The following VPS13B variants were observed in gnomAD, a reference collection of about 807,000 sequenced individuals.
VPS13B encodes vacuolar protein sorting 13 homolog B.
VPS13B carries 285 observed loss-of-function variants against 426.4 expected under a neutral mutation model. The observed-to-expected ratio is 0.67, with a 90% CI of 0.61 to 0.74. VPS13B has a LOEUF of 0.74. Among genes scored for constraint, VPS13B ranks in the 30% least tolerant of loss-of-function variants. VPS13B has a pLI of 0.00. For missense variants in VPS13B, 4,537 were observed against 4,782.6 expected, an observed-to-expected ratio of 0.95 and a Z score of 1.51; for synonymous variants, 1,676 against 1,676.4, an observed-to-expected ratio of 1.00 and a Z score of 0.01.
Position 99,853,817 on chromosome 8 carries a change from T to C in VPS13B, c.10428T>C (p.Cys3476=). ...AGTTGGAAGAATACAAGGAAAAATG[T>C]TTTATCAAACTTTGCATCACCTTAA... ...NKELEEYKEK[C]FIKLCITLNE... The change falls in exon 56 of 62, where the codon TGT becomes TGC. Residue 3476 remains cysteine, a synonymous_variant. Transcript: ENST00000357162. 1 of 1,614,220 alleles carries C rather than the reference T, an allele frequency of 6.2e-7. No homozygotes were observed. Among genetic ancestry groups the C allele is most frequent in the Non-Finnish European group, 8.5e-7 (1 of 1,180,042 alleles).
At chr8:99,799,965 C>T (rs1813039650) in intron 43 of VPS13B, among the ~76,000 whole-genome samples, 1 of 152,132 alleles carries the variant, frequency 6.6e-6, no homozygotes, top group Non-Finnish European at 1.5e-5. Context: ...TTTCTCAGCT[C>T]ACCTAAATTA....
intron 3 of VPS13B, among the ~76,000 whole-genome samples, chr8:99,059,534 G>A (rs776601605): frequency 6.6e-6 from 1 of 152,084 alleles, no homozygotes; most frequent in Non-Finnish European, 1.5e-5. Flanking sequence ...CTGTACCACG[G>A]ATGTGAAGCC....
intron 43 of VPS13B, chr8:99,799,097 T>C (rs1485214580): frequency 6.6e-6 from 1 of 152,248 alleles, no homozygotes; most frequent in Non-Finnish European, 1.5e-5. Context: ...TTTTAAATTA[T>C]TTCCAGAATA....
chr8:99,194,071 T>A (rs754518618), intron 17 of VPS13B, among the ~76,000 whole-genome samples: 13 of 152,260 alleles, frequency 8.5e-5, no homozygotes, highest in Admixed American at 2.0e-4. Flanking sequence ...CGTGGAATTT[T>A]CTACTTGTAT....
chr8:99,812,274 CT>C (rs201959707), intron 44 of VPS13B, among the ~76,000 whole-genome samples: 1,908 of 152,194 alleles, frequency 0.013, 23 homozygotes, highest in Non-Finnish European at 0.017. Flanking sequence ...CAGATTTGTT[CT>C]GGTTAAAGTA....
chr8:99,619,296 G>A (rs1828249972), intron 33 of VPS13B, among the ~76,000 whole-genome samples: 1 of 152,128 alleles, frequency 6.6e-6, no homozygotes, highest in African/African-American at 2.4e-5. Flanking sequence ...AGGTTGCTGT[G>A]TATTTCCCTG....
chr8:99,170,663 G>A lies in VPS13B; in HGVS notation c.2333+500G>A, dbSNP rs117839668. Among the ~76,000 whole-genome samples the A allele has an allele frequency of 5.2e-3, 789 of 151,746 alleles. 4 individuals are homozygous for A. The highest frequency in any genetic ancestry group is 9.4e-3 in the Non-Finnish European group (636 of 67,768). On this transcript the variant is annotated intron_variant, in intron 16 of 61. Coordinates refer to ENST00000357162, the MANE Select transcript of VPS13B (RefSeq NM_152564.5). ...TTGTAGCCCTCACCATTTTCATTCC[G>A]AATTGAATGCTATATTTGGAGGTCA...
intron 36 of VPS13B, among the ~76,000 whole-genome samples, chr8:99,708,582 T>C (rs1832581770): frequency 6.6e-6 from 1 of 152,160 alleles, no homozygotes; most frequent in Non-Finnish European, 1.5e-5. Flanking sequence ...CCCTGGGGAA[T>C]AGAAATCTCA....
intron 16 of VPS13B, among the ~76,000 whole-genome samples, chr8:99,183,490 A>T: frequency 6.6e-6 from 1 of 152,192 alleles, no homozygotes; most frequent in Middle Eastern, 3.4e-3. Context: ...TAAACAATGA[A>T]TATCTTTTGG....
At chr8:99,800,457 G>A (rs1212820319) in intron 43 of VPS13B, among the ~76,000 whole-genome samples, 1 of 151,998 alleles carries the variant, frequency 6.6e-6, no homozygotes, top group African/African-American at 2.4e-5. Context: ...TTTTTTAACT[G>A]TATTTATATC....
chr8:99,514,904 G>C (rs1054068116), intron 29 of VPS13B, among the ~76,000 whole-genome samples: 2 of 152,170 alleles, frequency 1.3e-5, no homozygotes, highest in African/African-American at 4.8e-5. Flanking sequence ...CACGATTTGT[G>C]GTATTTTCTG....
intron 39 of VPS13B, among the ~76,000 whole-genome samples, chr8:99,740,156 A>T (rs1244986133): frequency 6.6e-6 from 1 of 152,226 alleles, no homozygotes; most frequent in East Asian, 1.9e-4. Context: ...AAACCACAGC[A>T]CAAGAACTAC....
intron 13 of VPS13B, among the ~76,000 whole-genome samples, chr8:99,147,163 G>A (rs1810779533): frequency 6.6e-6 from 1 of 152,120 alleles, no homozygotes; most frequent in African/African-American, 2.4e-5. Flanking sequence ...CCAGGCTGGA[G>A]TACAGTGGCG....
At chr8:99,486,465 T>C (rs1820316697) in intron 25 of VPS13B, among the ~76,000 whole-genome samples, 1 of 151,960 alleles carries the variant, frequency 6.6e-6, no homozygotes, top group Non-Finnish European at 1.5e-5. Flanking sequence ...ACCTCAGGTG[T>C]TCTGCCTCCC....
chr8:99,327,530 G>A (rs1240324258), intron 19 of VPS13B, among the ~76,000 whole-genome samples: 1 of 152,072 alleles, frequency 6.6e-6, no homozygotes, highest in Non-Finnish European at 1.5e-5. Flanking sequence ...ATATTATACA[G>A]GTGGGAGGGA....
At chr8:99,241,623 T>A (rs1816936428) in intron 17 of VPS13B, 1 of 152,204 alleles carries the variant, frequency 6.6e-6, no homozygotes, top group African/African-American at 2.4e-5. Context: ...CCAGGGATAA[T>A]ATTTCCCAAG....
chr8:99,314,493 G>T (rs568918034), intron 19 of VPS13B, among the ~76,000 whole-genome samples: 33 of 152,304 alleles, frequency 2.2e-4, no homozygotes, highest in African/African-American at 7.7e-4. Flanking sequence ...CTGTCTAGAT[G>T]ATTTGTCTCA....
intron 3 of VPS13B, among the ~76,000 whole-genome samples, chr8:99,046,410 T>A (rs1563503712): frequency 6.6e-6 from 1 of 151,990 alleles, no homozygotes; most frequent in Non-Finnish European, 1.5e-5. Context: ...TAAACTTTGT[T>A]GAATTTTTTT....
chr8:99,650,589 T>C (rs1381472230), intron 34 of VPS13B, among the ~76,000 whole-genome samples: 3 of 152,218 alleles, frequency 2.0e-5, no homozygotes, highest in African/African-American at 7.2e-5. Context: ...TTCCTACACA[T>C]ACATACCTAT....
Sources: allele counts gnomAD v4.1 joint callset (sites outside exome capture counted in the v4.1 genomes callset), GRCh38; gene constraint gnomAD v4.1.1; transcripts MANE v1.5; gene names NCBI Gene and HGNC (gene_info 2026-07-23, HGNC 2026-07-21).